Variants in ROBO2 observed in about 807,000 individuals in gnomAD.
The protein encoded by ROBO2 is roundabout guidance receptor 2.
In ROBO2, 53 loss-of-function variants were observed where a neutral mutation model predicts 160.8. The observed-to-expected ratio is 0.33, with a 90% CI of 0.26 to 0.41. The LOEUF is 0.41. Among genes scored for constraint, ROBO2 ranks in the 10% least tolerant of loss-of-function variants. ROBO2 has a pLI of 1.00. For missense variants in ROBO2, 1,577 were observed against 1,722.4 expected, an observed-to-expected ratio of 0.92 and a Z score of 1.49; for synonymous variants, 664 against 611.7, an observed-to-expected ratio of 1.09 and a Z score of -1.26.
intron 2 of ROBO2, among the ~76,000 whole-genome samples, chr3:76,729,720 C>T (rs991466791): frequency 1.3e-5 from 2 of 151,590 alleles, no homozygotes; most frequent in African/African-American, 4.9e-5. Context: ...TCCCTGCAGC[C>T]TCTGCCTCCC....
At chr3:76,672,782 A>C (rs1231767364) in intron 2 of ROBO2, among the ~76,000 whole-genome samples, 7 of 152,184 alleles carry the variant, frequency 4.6e-5, no homozygotes. Flanking sequence ...CCTCACAGAC[A>C]TGGGGTGTTA....
rs570266395 is a variant in ROBO2, at chr3:77,297,873, G to T, written c.389-179541G>T. 3.3e-5 allele frequency among the ~76,000 whole-genome samples: 5 copies of T among 152,260 alleles called. No individual in the cohort carries two copies. In the South Asian group the frequency reaches 1.0e-3, roughly 32 times the overall value. ...GTGTAGAAAGGAGGAAACAGACTTTGTCCGGGATAGAAGGCCCATTGACAT... is the reference window on the plus strand; with the variant it reads ...GTGTAGAAAGGAGGAAACAGACTTTTTCCGGGATAGAAGGCCCATTGACAT... On this transcript the variant is annotated intron_variant, in intron 2 of 25. Transcript: ENST00000461745.
intron 2 of ROBO2, among the ~76,000 whole-genome samples, chr3:76,170,519 G>A (rs1000937226): frequency 2.6e-5 from 4 of 152,026 alleles, no homozygotes; most frequent in African/African-American, 7.2e-5. Context: ...TTTATACTAC[G>A]CAAATTAGAC....
At chr3:76,022,882 T>C (rs2066615993) in intron 2 of ROBO2, among the ~76,000 whole-genome samples, 1 of 151,788 alleles carries the variant, frequency 6.6e-6, no homozygotes, top group Admixed American at 6.6e-5. Context: ...GCCATGAATG[T>C]CCTAGACAGC....
chr3:76,268,569 T>C (rs1707236725), intron 2 of ROBO2, among the ~76,000 whole-genome samples: 1 of 152,086 alleles, frequency 6.6e-6, no homozygotes, highest in African/African-American at 2.4e-5. Context: ...AGATCTTCAG[T>C]GTCTTTTCCT....
chr3:76,284,333 G>C (rs546280193), intron 2 of ROBO2, among the ~76,000 whole-genome samples: 4 of 151,768 alleles, frequency 2.6e-5, no homozygotes, highest in Non-Finnish European at 5.9e-5. Flanking sequence ...GGAGATTCTG[G>C]TCTTTCCCTG....
chr3:76,658,110 AAAT>A (rs1266495223), intron 2 of ROBO2, among the ~76,000 whole-genome samples: 51 of 131,960 alleles, frequency 3.9e-4, no homozygotes, highest in Non-Finnish European at 5.8e-4. Context: ...ATAAATAAAT[AAAT>A]AAAATATGTT....
chr3:77,621,006 T>C (rs539414571), intron 22 of ROBO2, among the ~76,000 whole-genome samples: 11 of 152,340 alleles, frequency 7.2e-5, no homozygotes, highest in East Asian at 1.9e-4. Context: ...TAGCATTTTA[T>C]GGTTTAGAAG....
In ROBO2 at chr3:77,495,155, T is replaced by C. The variant is rs151259898; in HGVS notation, c.806+1773T>C. Among the ~76,000 whole-genome samples, 611 of 152,358 alleles carry C rather than the reference T, an allele frequency of 4.0e-3. 7 individuals are homozygous for C. The highest frequency in any genetic ancestry group is 0.014 in the African/African-American group (583 of 41,584). On this transcript the variant is annotated intron_variant, in intron 5 of 25. Transcript: ENST00000461745. The stretch of plus-strand genomic sequence containing the variant: ...AGTGAATAATTTTAAAATATTAATG[T>C]AAGGTGAAGAGATTAATTCTATAGT...
At chr3:75,965,981 A>G (rs1404988820) in intron 2 of ROBO2, among the ~76,000 whole-genome samples, 2 of 151,772 alleles carry the variant, frequency 1.3e-5, no homozygotes, top group Non-Finnish European at 2.9e-5. Flanking sequence ...ATTCTGTAAG[A>G]TAATGAAGAG....
rs1560436720 is a variant in ROBO2 at position 76,717,824 on chromosome 3, G to GCAAATAAAAAAATA, written c.110-380190_110-380189insCAAATAAAAAAATA. Among the ~76,000 whole-genome samples, 2 of 151,572 alleles carry GCAAATAAAAAAATA rather than the reference G, an allele frequency of 1.3e-5. 1 individual carries two copies. The highest frequency in any genetic ancestry group is 4.9e-5 in the African/African-American group (2 of 40,916). On this transcript the variant is annotated intron_variant, in intron 2 of 26. Coordinates refer to the ROBO2 transcript ENST00000487694. ...GCAAGATTTGCTTGGCCATAACCAA[G>GCAAATAAAAAAATA]ATTTGCAGGTAACACAGAGGATCAC... is the stretch of plus-strand genomic sequence containing the variant.
rs192056019 is a variant in ROBO2 at position 76,902,358 on chromosome 3, T to C, written c.110-195656T>C. On this transcript the variant is annotated intron_variant, in intron 2 of 26. Coordinates refer to the ROBO2 transcript ENST00000487694. ...ATTTGGCAATGCTATGTAAGTTTAT[T>C]AGTTGTTTTGATATCTGGTGAGAGT... Among the ~76,000 whole-genome samples the C allele has an allele frequency of 1.4e-4, 22 of 152,188 alleles. No individual in the cohort carries two copies. The East Asian group carries it at 4.1e-3, about 28-fold the overall frequency.
At chr3:76,823,158 C>G (rs1576854051) in intron 2 of ROBO2, among the ~76,000 whole-genome samples, 1 of 152,034 alleles carries the variant, frequency 6.6e-6, no homozygotes, top group Admixed American at 6.6e-5. Flanking sequence ...TTAGTGGCAG[C>G]CTCTTCAGGT....
intron 2 of ROBO2, among the ~76,000 whole-genome samples, chr3:76,392,013 T>C (rs1034637291): frequency 1.3e-5 from 2 of 152,188 alleles, no homozygotes; most frequent in African/African-American, 4.8e-5. Flanking sequence ...AAATTAAACA[T>C]ATATATGAGC....
At chr3:77,102,586 C>T (rs1455131324) in intron 2 of ROBO2, among the ~76,000 whole-genome samples, 4 of 151,872 alleles carry the variant, frequency 2.6e-5, no homozygotes, top group African/African-American at 9.7e-5. Context: ...ATTTTTTATT[C>T]ACATTAGTTG....
intron 24 of ROBO2, among the ~76,000 whole-genome samples, chr3:77,639,217 A>G (rs1368943786): frequency 1.3e-5 from 2 of 152,114 alleles, no homozygotes; most frequent in African/African-American, 2.4e-5. Context: ...GAGCAAATAA[A>G]TTTACATATT....
At chr3:77,407,976 A>T (rs2076391082) in intron 2 of ROBO2, among the ~76,000 whole-genome samples, 1 of 152,122 alleles carries the variant, frequency 6.6e-6, no homozygotes, top group South Asian at 2.1e-4. Flanking sequence ...TTTAGCTTTG[A>T]TTATGCTGGA....
intron 2 of ROBO2, among the ~76,000 whole-genome samples, chr3:76,609,894 T>C (rs2087952502): frequency 6.6e-6 from 1 of 152,180 alleles, no homozygotes; most frequent in African/African-American, 2.4e-5. Context: ...TTTTTAGGGC[T>C]TTGAAATTAG....
At chr3:76,792,148 A>G (rs1020060748) in intron 2 of ROBO2, among the ~76,000 whole-genome samples, 1 of 151,926 alleles carries the variant, frequency 6.6e-6, no homozygotes, top group Non-Finnish European at 1.5e-5. Flanking sequence ...TTTAAGTTGT[A>G]GGATATGAAT....
Sources: allele counts gnomAD v4.1 joint callset (sites outside exome capture counted in the v4.1 genomes callset), GRCh38; gene constraint gnomAD v4.1.1; transcripts MANE v1.5; gene names NCBI Gene and HGNC (gene_info 2026-07-23, HGNC 2026-07-21).